AKAP13: variants seen among roughly 807,000 people sequenced by gnomAD.
AKAP13 encodes the protein A-kinase anchor protein 13.
A neutral mutation model predicts 264.5 loss-of-function variants in AKAP13; 80 were observed. That is an observed-to-expected ratio of 0.30 (90% CI 0.25 to 0.36). The LOEUF is 0.36. Among genes scored for constraint, AKAP13 ranks in the 10% least tolerant of loss-of-function variants. The probability of loss-of-function intolerance (pLI) is 1.00; values close to 1 mark genes in which losing one functional copy is unlikely to be tolerated. For missense variants in AKAP13, 3,712 were observed against 3,435.2 expected (o/e 1.08, Z -2.01); for synonymous variants, 1,380 against 1,250.2 (o/e 1.10, Z -2.19).
In AKAP13 at chr15:85,498,199, GATATAT is replaced by G. The variant is rs59420326; in HGVS notation, c.33+12469_33+12474del. Among the ~76,000 whole-genome samples, 191 of 133,052 alleles carry G rather than the reference GATATAT, an allele frequency of 1.4e-3. 6 individuals carry two copies. Among genetic ancestry groups the G allele is most frequent in the African/African-American group, 4.1e-3 (144 of 34,844 alleles). The allele number at this position is 133,052 out of a possible 152,430, so 87.3% of individuals were successfully genotyped here. A position where few individuals can be genotyped will look rare whatever the true frequency, so the allele number is the denominator to read the frequency against. On this transcript the variant is annotated intron_variant, in intron 2 of 36. Transcript: ENST00000394518. ...TGGTAGTAAGGATTAAATGAAGTGA[GATATAT>G]ATATATATATATATATATATATCAC...
chr15:85,573,255 A>G (rs942532418), intron 5 of AKAP13, among the ~76,000 whole-genome samples: 1 of 152,158 alleles, frequency 6.6e-6, no homozygotes, highest in Non-Finnish European at 1.5e-5. Context: ...TACTTTACCA[A>G]TCTATTGTTT....
intron 25 of AKAP13, among the ~76,000 whole-genome samples, chr15:85,722,645 AG>A (rs2087361077): frequency 6.6e-6 from 1 of 152,194 alleles, no homozygotes; most frequent in African/African-American, 2.4e-5. Context: ...CAGAAGTGCT[AG>A]AATTGCTGCT....
intron 4 of AKAP13, among the ~76,000 whole-genome samples, chr15:85,541,277 T>G (rs2077573305): frequency 6.6e-6 from 1 of 152,244 alleles, no homozygotes; most frequent in African/African-American, 2.4e-5. Flanking sequence ...CTTCAAGTTA[T>G]TTTGAAATGC....
chr15:85,748,414 C>G lies in AKAP13; in HGVS notation c.*3737C>G, dbSNP rs1334830925. Reference sequence around the variant, plus strand: ...CAGCGGCTGCTGGAGATCTGTGTGCCTTGCCTTCCTTCAGCAGGACCGTCT... The same window carrying G: ...CAGCGGCTGCTGGAGATCTGTGTGCGTTGCCTTCCTTCAGCAGGACCGTCT... On this transcript the variant is annotated 3_prime_UTR_variant, in exon 37 of 37. Transcript: ENST00000394518. 1 of 152,274 alleles carries G rather than the reference C, an allele frequency of 6.6e-6. No homozygotes were observed. The highest frequency in any genetic ancestry group is 1.5e-5 in the Non-Finnish European group (1 of 68,072). 9.4% of individuals were successfully genotyped at this position (152,274 alleles called of 1,614,324 possible). A position where few individuals can be genotyped will look rare whatever the true frequency, so the allele number is the denominator to read the frequency against.
At chr15:85,657,939 CTG>C (rs2083176804) in intron 11 of AKAP13, among the ~76,000 whole-genome samples, 1 of 152,102 alleles carries the variant, frequency 6.6e-6, no homozygotes, top group African/African-American at 2.4e-5. Flanking sequence ...CTACATGTGA[CTG>C]TGTCTGTCAT....
chr15:85,688,979 G>A (rs887500614), intron 16 of AKAP13, among the ~76,000 whole-genome samples: 24 of 152,146 alleles, frequency 1.6e-4, no homozygotes, highest in African/African-American at 5.8e-4. Context: ...GTTCACAAAG[G>A]GAGTGTGGAA....
chr15:85,601,649 T>TGTGTGTGTGTGTGTGTGTGTGTGTGTGTG (rs1567149362), intron 8 of AKAP13, among the ~76,000 whole-genome samples: 1 of 150,914 alleles, frequency 6.6e-6, no homozygotes, highest in Non-Finnish European at 1.5e-5. Flanking sequence ...TGTGTGTGTG[T>TGTGTGTGTGTGTGTGTGTGTGTGTGTGTG]TTTTCTTCCA....
chr15:85,684,333 G>A (rs76349479), intron 15 of AKAP13: 2,720 of 153,560 alleles, frequency 0.018, 86 homozygotes, highest in African/African-American at 0.062. Flanking sequence ...AGGCTGAGGT[G>A]GGAGGATTGT....
At chr15:85,439,947 G>C (rs1409852038) in intron 1 of AKAP13, among the ~76,000 whole-genome samples, 3 of 149,700 alleles carry the variant, frequency 2.0e-5, no homozygotes, top group East Asian at 1.9e-4. Context: ...ATATGCACAT[G>C]TACCCTAAAA....
intron 7 of AKAP13, 80 bp from the exon 8 acceptor site, chr15:85,585,622 A>G: frequency 1.3e-6 from 2 of 1,582,632 alleles, no homozygotes; most frequent in Admixed American, 3.5e-5. Context: ...AACACATGAA[A>G]CCTGGAGCAT....
chr15:85,454,660 T>G (rs1390774401), intron 1 of AKAP13, among the ~76,000 whole-genome samples: 4 of 152,334 alleles, frequency 2.6e-5, no homozygotes, highest in Admixed American at 1.3e-4. Flanking sequence ...AAAAAAAATC[T>G]TATCGTGATG....
rs540813093 is a variant in AKAP13 at position 85,392,416 on chromosome 15, G to T, written c.-12+11618G>T. Among the ~76,000 whole-genome samples, 1,013 of 151,556 alleles carry T rather than the reference G, an allele frequency of 6.7e-3. 7 individuals are homozygous for T. The highest frequency in any genetic ancestry group is 0.024 in the African/African-American group (981 of 41,326). ...ACTACAGGCGTGCACCACCACGCCCGGCTAATTTTTGTATTTTTAGTAGAG... is the reference window on the plus strand; with the variant it reads ...ACTACAGGCGTGCACCACCACGCCCTGCTAATTTTTGTATTTTTAGTAGAG... On this transcript the variant is annotated intron_variant, in intron 1 of 36. Transcript: ENST00000394518.
intron 33 of AKAP13, 46 bp from the exon 34 acceptor site, chr15:85,740,176 T>G: frequency 5.0e-6 from 8 of 1,607,750 alleles, no homozygotes; most frequent in Non-Finnish European, 6.8e-6. Context: ...GATTCTGAGA[T>G]TCATAAAGCC....
chr15:85,680,591 G>A (rs998016881), intron 14 of AKAP13, among the ~76,000 whole-genome samples: 2 of 152,168 alleles, frequency 1.3e-5, no homozygotes, highest in African/African-American at 4.8e-5. Flanking sequence ...TTAGCCAGGT[G>A]CAATGGCTCA....
At chr15:85,683,055 T>A (rs767078379) in intron 15 of AKAP13, among the ~76,000 whole-genome samples, 1 of 152,268 alleles carries the variant, frequency 6.6e-6, no homozygotes, top group African/African-American at 2.4e-5. Context: ...TGAAGTTTAA[T>A]TGGGGTTCCT....
At chr15:85,664,834 T>C in intron 13 of AKAP13, 79 bp downstream of exon 13, 1 of 1,340,638 alleles carries the variant, frequency 7.5e-7, no homozygotes, top group Non-Finnish European at 1.0e-6. Flanking sequence ...TCTGGTAGTA[T>C]AAGGCTAGTA....
At chr15:85,546,426 C>G (rs1051271498) in intron 5 of AKAP13, among the ~76,000 whole-genome samples, 3 of 151,006 alleles carry the variant, frequency 2.0e-5, no homozygotes, top group Non-Finnish European at 4.4e-5. Context: ...ATTCATATAA[C>G]GGAATACTAC....
At chr15:85,679,603 T>C (rs1214545128) in intron 14 of AKAP13, among the ~76,000 whole-genome samples, 2 of 152,198 alleles carry the variant, frequency 1.3e-5, no homozygotes, top group East Asian at 1.9e-4. Flanking sequence ...AACCACAATA[T>C]GTGCAGCACT....
intron 33 of AKAP13, among the ~76,000 whole-genome samples, chr15:85,737,386 G>A (rs2088618300): frequency 6.6e-6 from 1 of 152,042 alleles, no homozygotes; most frequent in African/African-American, 2.4e-5. Flanking sequence ...CTGAGTATCT[G>A]ACTTTGTAAG....
Sources: gnomAD v4.1 joint callset for allele counts (sites outside exome capture counted in the v4.1 genomes callset) on GRCh38, gnomAD v4.1.1 for gene constraint, MANE v1.5 for transcripts, NCBI Gene and HGNC (gene_info 2026-07-23, HGNC 2026-07-21) for gene names.